Variants in ZHX2 observed in about 807,000 individuals in gnomAD.
The protein encoded by ZHX2 is zinc fingers and homeoboxes protein 2.
A neutral mutation model predicts 21.9 loss-of-function variants in ZHX2; 6 were observed. That is an observed-to-expected ratio of 0.27 (90% confidence interval 0.15 to 0.54). The LOEUF (loss-of-function observed/expected upper bound fraction) is 0.54. ZHX2 is among the 20% of genes least tolerant of loss of function. ZHX2 has a pLI of 0.95. For synonymous variants in ZHX2, 434 were observed against 437.1 expected (o/e 0.99, Z 0.09); for missense variants, 908 against 1,090.7 (o/e 0.83, Z 2.36).
chr8:122,867,436 CTT>C (rs1819326664), intron 2 of ZHX2, among the ~76,000 whole-genome samples: 1 of 152,198 alleles, frequency 6.6e-6, no homozygotes, highest in South Asian at 2.1e-4. Flanking sequence ...CTGACCTGTA[CTT>C]TTAAGCCATT....
intron 1 of ZHX2, among the ~76,000 whole-genome samples, chr8:122,832,486 G>A (rs944904559): frequency 1.3e-5 from 2 of 152,188 alleles, no homozygotes; most frequent in Non-Finnish European, 2.9e-5. Flanking sequence ...CACGCCGTTC[G>A]TCGGTATAGA....
intron 2 of ZHX2, among the ~76,000 whole-genome samples, chr8:122,899,611 G>A (rs112835929): frequency 0.024 from 3,684 of 152,170 alleles, 92 homozygotes; most frequent in African/African-American, 0.067. Flanking sequence ...GAGAAATGCC[G>A]TCATGAGTTT....
chr8:122,852,606 A>C (rs745683060), intron 1 of ZHX2, among the ~76,000 whole-genome samples: 2 of 152,094 alleles, frequency 1.3e-5, no homozygotes, highest in African/African-American at 2.4e-5. Context: ...TTTATCTGTA[A>C]ATTTCAGGGA....
intron 3 of ZHX2, among the ~76,000 whole-genome samples, chr8:122,962,052 C>G (rs1813465739): frequency 6.6e-6 from 1 of 152,116 alleles, no homozygotes; most frequent in Non-Finnish European, 1.5e-5. Context: ...CACAGGGTAG[C>G]ACTGCTGAGC....
At chr8:122,830,699 C>T (rs1306786437) in intron 1 of ZHX2, among the ~76,000 whole-genome samples, 2 of 152,126 alleles carry the variant, frequency 1.3e-5, no homozygotes, top group Non-Finnish European at 2.9e-5. Flanking sequence ...GCCTCATCTG[C>T]TGCTTTATGA....
At chr8:122,801,369 G>C (rs1817716500) in intron 1 of ZHX2, among the ~76,000 whole-genome samples, 1 of 152,142 alleles carries the variant, frequency 6.6e-6, no homozygotes, top group Non-Finnish European at 1.5e-5. Context: ...CTTGACAACT[G>C]TCCTCACGAA....
chr8:122,945,436 C>CAAAAAAAAAAAAAAAA lies in ZHX2; in HGVS notation c.-219-5844_-219-5829dup, dbSNP rs60890533. On this transcript the variant is annotated intron_variant, in intron 2 of 3. Coordinates refer to ENST00000314393, the MANE Select transcript of ZHX2 (RefSeq NM_014943.5). ...CTCTTTTATATAAACCCTGTCTCTG[C>CAAAAAAAAAAAAAAAA]AAAAAAAAAAAAAAAAAAAAAAAAA... Among the ~76,000 whole-genome samples the CAAAAAAAAAAAAAAAA allele has an allele frequency of 9.2e-4, 68 of 73,670 alleles. 11 individuals carry two copies. The highest frequency in any genetic ancestry group is 2.5e-3 in the African/African-American group (40 of 15,992). The allele number at this position is 73,670 out of a possible 152,430, so 48.3% of individuals were successfully genotyped here. A position where few individuals can be genotyped will look rare whatever the true frequency, so the allele number is the denominator to read the frequency against.
intron 2 of ZHX2, among the ~76,000 whole-genome samples, chr8:122,882,574 T>C (rs1819738483): frequency 6.6e-6 from 1 of 152,146 alleles, no homozygotes; most frequent in South Asian, 2.1e-4. Context: ...ACAACAGCAG[T>C]GCTGACCACT....
rs1818308894 is a variant in ZHX2, at chr8:122,828,526, A to G, written c.-282-34951A>G. 6.6e-6 allele frequency among the ~76,000 whole-genome samples: 1 copy of G among 152,244 alleles called. No homozygotes were observed. Among genetic ancestry groups the G allele is most frequent in the South Asian group, 2.1e-4 (1 of 4,834 alleles). On this transcript the variant is annotated intron_variant, in intron 1 of 3. Coordinates refer to ENST00000314393, the MANE Select transcript of ZHX2 (RefSeq NM_014943.5). This position sits in a 1 kb window ranked among gnomAD's most constrained non-coding sequence, Gnocchi z 5.2. ...CCCACGAATGCATCTACCAGTGTGC[A>G]GCTAAACCCATGGCAGGAGACGCTG...
intron 1 of ZHX2, among the ~76,000 whole-genome samples, chr8:122,856,177 G>T (rs912882565): frequency 7.2e-5 from 11 of 152,340 alleles, no homozygotes; most frequent in African/African-American, 2.6e-4. Context: ...CAAAGCTCTT[G>T]TGTGGTAGAA....
intron 2 of ZHX2, among the ~76,000 whole-genome samples, chr8:122,930,644 G>GTTTTTTTTTTTT (rs78138664): frequency 7.1e-6 from 1 of 141,646 alleles, no homozygotes. Flanking sequence ...GCTAATTTTT[G>GTTTTTTTTTTTT]TTTTTTTTTT....
chr8:122,914,605 C>T (rs1253025763), intron 2 of ZHX2, among the ~76,000 whole-genome samples: 3 of 152,226 alleles, frequency 2.0e-5, no homozygotes, highest in Admixed American at 2.0e-4. Flanking sequence ...CCCAGATTCG[C>T]CACTTATCAA....
chr8:122,866,260 T>C (rs1051090035), intron 2 of ZHX2, among the ~76,000 whole-genome samples: 2 of 152,236 alleles, frequency 1.3e-5, no homozygotes, highest in Admixed American at 6.5e-5. Flanking sequence ...GCTGTCTCCA[T>C]GGCTGGAAGA....
At chr8:122,891,270 TTGTGTGTGTGTGTGTGTG>T (rs59893492) in intron 2 of ZHX2, among the ~76,000 whole-genome samples, 65 of 77,732 alleles carry the variant, frequency 8.4e-4, no homozygotes, top group Middle Eastern at 8.1e-3. Flanking sequence ...TCTTGGTAGA[TTGTGTGTGTGTGTGTGTG>T]TGTGTGTGTG....
chr8:122,897,141 A>T (rs1323771506), intron 2 of ZHX2, among the ~76,000 whole-genome samples: 1 of 152,210 alleles, frequency 6.6e-6, no homozygotes, highest in Non-Finnish European at 1.5e-5. Context: ...CCTGGCACTG[A>T]GCACTGGAGT....
intron 3 of ZHX2, among the ~76,000 whole-genome samples, chr8:122,968,125 T>G (rs1007615728): frequency 1.3e-5 from 2 of 152,152 alleles, no homozygotes; most frequent in African/African-American, 4.8e-5. Flanking sequence ...CACCCACACA[T>G]GTAAGCACTT....
rs145829923 is a variant in ZHX2 at position 122,932,429 on chromosome 8, C to T, written c.-219-18863C>T. 5.1e-4 allele frequency among the ~76,000 whole-genome samples: 78 copies of T among 152,314 alleles called. No homozygotes were observed. The East Asian group carries it at 8.7e-3, about 17-fold the overall frequency. On this transcript the variant is annotated intron_variant, in intron 2 of 3. Transcript: ENST00000314393. ...GGAGAATCTGTTTCCTTGCCTTCTC[C>T]GGCCTCTGGTGTCCACCTGTGTTCC...
At chr8:122,914,391 A>C (rs889377149) in intron 2 of ZHX2, among the ~76,000 whole-genome samples, 5 of 152,246 alleles carry the variant, frequency 3.3e-5, no homozygotes, top group Non-Finnish European at 7.3e-5. Flanking sequence ...CACAGTGGGC[A>C]GGAGCCAGAG....
At chr8:122,808,148 T>G (rs763516905) in intron 1 of ZHX2, among the ~76,000 whole-genome samples, 14 of 152,198 alleles carry the variant, frequency 9.2e-5, no homozygotes, top group Non-Finnish European at 1.8e-4. Context: ...TTTAAGAGAT[T>G]AGTGATCATT....
Sources: gnomAD v4.1 joint callset for allele counts (sites outside exome capture counted in the v4.1 genomes callset) on GRCh38, gnomAD v4.1.1 for gene constraint, Gnocchi (gnomAD v3.1) non-coding constraint, MANE v1.5 for transcripts, NCBI Gene and HGNC (gene_info 2026-07-23, HGNC 2026-07-21) for gene names.